The following CACNA2D1 variants were observed in gnomAD, a reference collection of about 807,000 sequenced individuals.
CACNA2D1 encodes calcium voltage-gated channel auxiliary subunit alpha2delta 1.
In CACNA2D1, 53 loss-of-function variants were observed where a neutral mutation model predicts 171.5. The ratio of observed to expected loss-of-function variants is 0.31; its 90% CI spans 0.25 to 0.39. The LOEUF is 0.39. Ranked by LOEUF, CACNA2D1 falls within the 10% of genes least tolerant of loss-of-function variation. CACNA2D1 has a pLI of 1.00. For synonymous variants in CACNA2D1, 442 were observed against 443.1 expected, an observed-to-expected ratio of 1.00 and a Z score of 0.03; for missense variants, 903 against 1,299.8, an observed-to-expected ratio of 0.69 and a Z score of 4.69.
Position 81,948,387 on chromosome 7 carries a change from AT to A in CACNA2D1, c.*2004del, listed in dbSNP as rs1792210164. The A allele has an allele frequency of 2.6e-5, 4 of 151,870 alleles. No homozygotes were observed. Among genetic ancestry groups the A allele is most frequent in the African/African-American group, 7.2e-5 (3 of 41,410 alleles). The allele number at this position is 151,870 out of a possible 1,614,324, so 9.4% of individuals were successfully genotyped here. On this transcript the variant is annotated 3_prime_UTR_variant, in exon 39 of 39. Coordinates refer to ENST00000356860, the MANE Select transcript of CACNA2D1 (RefSeq NM_000722.4). ...TGACACTACAAAATCACAACAATGCATTAGAAATGGTAACTGATGTCAACTC... is the reference window on the plus strand; with the variant it reads ...TGACACTACAAAATCACAACAATGCATAGAAATGGTAACTGATGTCAACTC...
chr7:82,392,874 C>CAG (rs199519047), intron 1 of CACNA2D1, among the ~76,000 whole-genome samples: 1,758 of 151,982 alleles, frequency 0.012, 61 homozygotes, highest in East Asian at 0.069. Context: ...GGGAAAAAAA[C>CAG]AGACAATAAA....
intron 32 of CACNA2D1, 92 bp downstream of exon 32, chr7:81,965,502 A>G (rs1794624745): frequency 2.6e-6 from 2 of 782,744 alleles, no homozygotes; most frequent in Admixed American, 3.5e-5. Context: ...AAAACAACTC[A>G]TCGATTTCTA....
Position 82,041,156 on chromosome 7 carries a change from C to G in CACNA2D1, c.880-2921G>C, listed in dbSNP as rs143196718. ...GCAGAGCTGGAAAACAGGGTGGCAT[C>G]TGTAGGGTAGACTGGGGGTCAAGAA... is the stretch of plus-strand genomic sequence containing the variant. On this transcript the variant is annotated intron_variant, in intron 10 of 38. Coordinates refer to ENST00000356860, the MANE Select transcript of CACNA2D1 (RefSeq NM_000722.4). Among the ~76,000 whole-genome samples the G allele has an allele frequency of 2.8e-4, 42 of 152,040 alleles. No individual in the cohort carries two copies. The East Asian group carries it at 6.8e-3, about 25-fold the overall frequency.
chr7:82,159,732 A>G, intron 4 of CACNA2D1, among the ~76,000 whole-genome samples: 1 of 150,004 alleles, frequency 6.7e-6, no homozygotes, highest in African/African-American at 2.5e-5. Context: ...GGTGAAAATA[A>G]GAATGGAGAA....
chr7:82,100,639 C>A (rs529899173), intron 6 of CACNA2D1, among the ~76,000 whole-genome samples: 1 of 152,222 alleles, frequency 6.6e-6, no homozygotes, highest in Admixed American at 6.5e-5. Flanking sequence ...CAATGCACAG[C>A]TTGCTGGAAA....
At chr7:82,120,676 A>T (rs530126989) in intron 5 of CACNA2D1, among the ~76,000 whole-genome samples, 1 of 152,188 alleles carries the variant, frequency 6.6e-6, no homozygotes, top group South Asian at 2.1e-4. Context: ...GGAGTTTGAG[A>T]CCAGCCTGGT....
chr7:82,059,189 A>G (rs1437649215), intron 10 of CACNA2D1, among the ~76,000 whole-genome samples: 1 of 152,104 alleles, frequency 6.6e-6, no homozygotes, highest in African/African-American at 2.4e-5. Context: ...TCGTCTTCAC[A>G]TCTCTATGAA....
intron 6 of CACNA2D1, among the ~76,000 whole-genome samples, chr7:82,087,479 T>A (rs115173101): frequency 0.013 from 1,909 of 151,656 alleles, 18 homozygotes; most frequent in Middle Eastern, 0.041. Context: ...ATTCATTCAA[T>A]TCCTTAAAAT....
intron 4 of CACNA2D1, among the ~76,000 whole-genome samples, chr7:82,162,176 G>A (rs147948058): frequency 1.3e-5 from 2 of 152,090 alleles, no homozygotes; most frequent in East Asian, 3.9e-4. Flanking sequence ...AAATTGGAGT[G>A]GGCTGGCCAG....
intron 3 of CACNA2D1, among the ~76,000 whole-genome samples, chr7:82,196,848 GGT>G (rs1798906532): frequency 6.6e-6 from 1 of 151,566 alleles, no homozygotes; most frequent in African/African-American, 2.4e-5. Context: ...AATAGAGGAT[GGT>G]TGCCTTAAAA....
chr7:82,404,528 G>A (rs1022589814), intron 1 of CACNA2D1, among the ~76,000 whole-genome samples: 6 of 152,128 alleles, frequency 3.9e-5, no homozygotes, highest in African/African-American at 9.7e-5. Context: ...GTTAAGAAGG[G>A]GTCAAGGTTG....
At chr7:81,978,357 C>T (rs1230165780) in intron 24 of CACNA2D1, among the ~76,000 whole-genome samples, 1 of 152,086 alleles carries the variant, frequency 6.6e-6, no homozygotes, top group African/African-American at 2.4e-5. Context: ...ATGATATAGA[C>T]TGGATAAAGA....
chr7:82,025,366 C>G (rs947525930), intron 12 of CACNA2D1, among the ~76,000 whole-genome samples: 1 of 151,456 alleles, frequency 6.6e-6, no homozygotes, highest in Non-Finnish European at 1.5e-5. Flanking sequence ...TTAAGTTCGC[C>G]TCCTTTGTTA....
chr7:82,199,177 G>T (rs1169713232), intron 3 of CACNA2D1, among the ~76,000 whole-genome samples: 1 of 151,950 alleles, frequency 6.6e-6, no homozygotes, highest in Non-Finnish European at 1.5e-5. Context: ...TCACTGGCCT[G>T]TATTTACCTA....
At chr7:82,298,480 C>T (rs1812572584) in intron 3 of CACNA2D1, among the ~76,000 whole-genome samples, 1 of 152,048 alleles carries the variant, frequency 6.6e-6, no homozygotes, top group Admixed American at 6.6e-5. Flanking sequence ...AAATTGGTGA[C>T]CAGAACTTAT....
intron 11 of CACNA2D1, among the ~76,000 whole-genome samples, chr7:82,034,542 C>A (rs1803072868): frequency 6.6e-6 from 1 of 151,906 alleles, no homozygotes; most frequent in Non-Finnish European, 1.5e-5. Context: ...TTGAAGGTAA[C>A]CTATCTGAAA....
rs531951169 is a variant in CACNA2D1, at chr7:82,150,073, A to G, written c.355-13397T>C. ...ATAGGCATGCAGTGAGTGTTTTAAAATGCTTACTGAGCACATGGCTAAATG... is the reference window on the plus strand; with the variant it reads ...ATAGGCATGCAGTGAGTGTTTTAAAGTGCTTACTGAGCACATGGCTAAATG... On this transcript the variant is annotated intron_variant, in intron 4 of 38. Coordinates refer to ENST00000356860, the MANE Select transcript of CACNA2D1 (RefSeq NM_000722.4). Among the ~76,000 whole-genome samples, 360 of 152,058 alleles carry G rather than the reference A, an allele frequency of 2.4e-3. 1 individual carries two copies. The highest frequency in any genetic ancestry group is 3.4e-3 in the Middle Eastern group (1 of 294).
intron 1 of CACNA2D1, among the ~76,000 whole-genome samples, chr7:82,404,954 T>G (rs1225028762): frequency 6.6e-6 from 1 of 152,238 alleles, no homozygotes; most frequent in African/African-American, 2.4e-5. Flanking sequence ...ATCTAAAGCA[T>G]GTAAGACACT....
intron 1 of CACNA2D1, among the ~76,000 whole-genome samples, chr7:82,420,483 C>G (rs955929741): frequency 2.0e-5 from 3 of 151,870 alleles, no homozygotes; most frequent in Non-Finnish European, 2.9e-5. Context: ...TTTTTTCCAC[C>G]CTTAAATATG....
Sources: allele counts gnomAD v4.1 joint callset (sites outside exome capture counted in the v4.1 genomes callset), GRCh38; gene constraint gnomAD v4.1.1; transcripts MANE v1.5; gene names NCBI Gene and HGNC (gene_info 2026-07-23, HGNC 2026-07-21).